ADARB2: variants seen among roughly 807,000 people sequenced by gnomAD.
The protein encoded by ADARB2 is adenosine deaminase RNA specific B2 (inactive).
ADARB2 carries 25 observed loss-of-function variants against 62.2 expected under a neutral mutation model. The ratio of observed to expected loss-of-function variants is 0.40; its 90% CI spans 0.29 to 0.56. The LOEUF is 0.56. Among genes scored for constraint, ADARB2 ranks in the 20% least tolerant of loss-of-function variants. The pLI is 0.43. For missense variants in ADARB2, 1,071 were observed against 1,077.4 expected (o/e 0.99, Z 0.08); for synonymous variants, 572 against 500.8 (o/e 1.14, Z -1.90).
At chr10:1,662,606 T>G (rs749596789) in intron 1 of ADARB2, among the ~76,000 whole-genome samples, 1 of 152,152 alleles carries the variant, frequency 6.6e-6, no homozygotes, top group Non-Finnish European at 1.5e-5. Context: ...CTAGAGCGAG[T>G]TTATTTCCTG....
At chr10:1,283,023 G>C (rs1831383364) in intron 3 of ADARB2, among the ~76,000 whole-genome samples, 1 of 152,156 alleles carries the variant, frequency 6.6e-6, no homozygotes, top group Non-Finnish European at 1.5e-5. Flanking sequence ...GTGCTTACTA[G>C]TTCCGTCCAC....
chr10:1,574,522 T>A (rs537711404), intron 1 of ADARB2, among the ~76,000 whole-genome samples: 2 of 152,080 alleles, frequency 1.3e-5, no homozygotes, highest in South Asian at 2.1e-4. Context: ...CAGACACTCC[T>A]GTTCCCAGCG....
intron 1 of ADARB2, among the ~76,000 whole-genome samples, chr10:1,389,754 AAT>A (rs1832553526): frequency 1.2e-4 from 5 of 43,174 alleles, no homozygotes; most frequent in African/African-American, 2.9e-4. Flanking sequence ...CTCAAAAATA[AAT>A]AAATAAATAA....
At chr10:1,467,219 T>A (rs905352697) in intron 1 of ADARB2, among the ~76,000 whole-genome samples, 3 of 152,186 alleles carry the variant, frequency 2.0e-5, no homozygotes, top group African/African-American at 7.2e-5. Context: ...GCTCATCGGT[T>A]TAGCTCTTCT....
chr10:1,723,438 T>C (rs562452795), intron 1 of ADARB2, among the ~76,000 whole-genome samples: 344 of 152,298 alleles, frequency 2.3e-3, no homozygotes, highest in Non-Finnish European at 4.2e-3. Flanking sequence ...TCAGGCTTGC[T>C]CTCACCATCT....
intron 8 of ADARB2, among the ~76,000 whole-genome samples, chr10:1,185,714 G>A (rs1369760744): frequency 2.6e-5 from 4 of 152,234 alleles, no homozygotes; most frequent in Non-Finnish European, 5.9e-5. Context: ...GCCTGTGTGA[G>A]CTGCAGGGCT....
chr10:1,513,489 G>A (rs1831965052), intron 1 of ADARB2, among the ~76,000 whole-genome samples: 1 of 152,194 alleles, frequency 6.6e-6, no homozygotes, highest in Admixed American at 6.5e-5. Flanking sequence ...TGCCTGTGTG[G>A]AGTTCATGGC....
Position 1,704,510 on chromosome 10 carries a change from A to C in ADARB2, c.100+32541T>G, listed in dbSNP as rs1834862831. Among the ~76,000 whole-genome samples the C allele has an allele frequency of 6.6e-6, 1 of 152,198 alleles. No homozygotes were observed. Among genetic ancestry groups the C allele is most frequent in the African/African-American group, 2.4e-5 (1 of 41,452 alleles). On this transcript the variant is annotated intron_variant, in intron 1 of 9. Coordinates refer to ENST00000381312, the MANE Select transcript of ADARB2 (RefSeq NM_018702.4). This position sits in a 1 kb window ranked among gnomAD's most constrained non-coding sequence, Gnocchi z 5.6. ...TGTGACCTGACAGAAGGCAGAGCTCAGACATAATGTGAGTGGCAGAGAGTG... is the reference window on the plus strand; with the variant it reads ...TGTGACCTGACAGAAGGCAGAGCTCCGACATAATGTGAGTGGCAGAGAGTG...
intron 1 of ADARB2, among the ~76,000 whole-genome samples, chr10:1,383,323 G>A (rs1415771003): frequency 1.3e-5 from 2 of 151,932 alleles, no homozygotes; most frequent in Non-Finnish European, 2.9e-5. Context: ...ATAATTTTTA[G>A]GTATTTTCAG....
At chr10:1,724,355 C>T (rs572279689) in intron 1 of ADARB2, among the ~76,000 whole-genome samples, 30 of 152,250 alleles carry the variant, frequency 2.0e-4, no homozygotes, top group Non-Finnish European at 2.9e-4. Flanking sequence ...CTGGTGGTGT[C>T]GAAGGACACT....
chr10:1,659,421 A>C (rs948107599), intron 1 of ADARB2, among the ~76,000 whole-genome samples: 1 of 152,214 alleles, frequency 6.6e-6, no homozygotes, highest in Non-Finnish European at 1.5e-5. Flanking sequence ...GCGACATCTA[A>C]AAAACGAAAA....
chr10:1,578,648 A>G (rs1185660818), intron 1 of ADARB2, among the ~76,000 whole-genome samples: 1 of 130,602 alleles, frequency 7.7e-6, no homozygotes, highest in Non-Finnish European at 1.6e-5. Context: ...CACACTGTGT[A>G]CCATGTTACC....
At chr10:1,449,304 C>G (rs951560364) in intron 1 of ADARB2, among the ~76,000 whole-genome samples, 2 of 152,154 alleles carry the variant, frequency 1.3e-5, no homozygotes, top group Non-Finnish European at 2.9e-5. Flanking sequence ...GGTGAGATCT[C>G]CCAGCTGGAC....
chr10:1,685,310 A>G (rs550763460), intron 1 of ADARB2, among the ~76,000 whole-genome samples: 5 of 152,160 alleles, frequency 3.3e-5, no homozygotes, highest in Admixed American at 2.6e-4. Context: ...GCACACCAAG[A>G]TCAACTTGAC....
rs116339990 is a variant in ADARB2 at position 1,362,548 on chromosome 10, C to G, written c.1077+480G>C. 9.4e-3 allele frequency among the ~76,000 whole-genome samples: 1,436 copies of G among 152,224 alleles called. 25 individuals are homozygous for G. The highest frequency in any genetic ancestry group is 0.032 in the African/African-American group (1,345 of 41,530). On this transcript the variant is annotated intron_variant, in intron 3 of 9. Transcript: ENST00000381312. The stretch of plus-strand genomic sequence containing the variant: ...GCAGAGTGAGGCCCAGCTCCCCACT[C>G]TCGCTCCGGCCTCCTCGGCCTCCCA...
At chr10:1,335,317 G>A (rs12250711) in intron 3 of ADARB2, among the ~76,000 whole-genome samples, 62,569 of 147,424 alleles carry the variant, frequency 0.42, 13,568 homozygotes, top group African/African-American at 0.49. Context: ...CAGGGATGGA[G>A]GGAGGGATGA....
At chr10:1,526,987 C>T (rs1832154975) in intron 1 of ADARB2, 2 of 303,620 alleles carry the variant, frequency 6.6e-6, no homozygotes, top group Non-Finnish European at 1.4e-5. Flanking sequence ...TATTTGTGCA[C>T]AGCTCTGACT....
At chr10:1,244,882 C>T (rs1170536146) in intron 4 of ADARB2, among the ~76,000 whole-genome samples, 3 of 152,100 alleles carry the variant, frequency 2.0e-5, no homozygotes, top group Non-Finnish European at 2.9e-5. Flanking sequence ...GCATAATCTG[C>T]GTATTCTACG....
At chr10:1,496,338 C>G (rs955868237) in intron 1 of ADARB2, among the ~76,000 whole-genome samples, 4 of 150,790 alleles carry the variant, frequency 2.7e-5, no homozygotes, top group African/African-American at 9.7e-5. Flanking sequence ...AACATCGTCA[C>G]CTCCATTATC....
Sources: allele counts gnomAD v4.1 joint callset (sites outside exome capture counted in the v4.1 genomes callset), GRCh38; gene constraint gnomAD v4.1.1; non-coding constraint Gnocchi (gnomAD v3.1); transcripts MANE v1.5; gene names NCBI Gene and HGNC (gene_info 2026-07-23, HGNC 2026-07-21).